Variants in IQCM observed in about 807,000 individuals in gnomAD.
The protein encoded by IQCM is IQ motif containing M, also known as IQ domain-containing protein M.
Under a neutral mutation model 57.6 loss-of-function variants are expected in IQCM, and 45 were observed. That is an observed-to-expected ratio of 0.78 (90% CI 0.62 to 1.00). The LOEUF is 1.00. IQCM is among the 50% of genes least tolerant of loss of function. The pLI is 0.00. For missense variants in IQCM, 468 were observed against 511.6 expected, an observed-to-expected ratio of 0.91 and a Z score of 0.82; for synonymous variants, 148 against 158.9, an observed-to-expected ratio of 0.93 and a Z score of 0.51.
intron 12 of IQCM, among the ~76,000 whole-genome samples, chr4:149,532,981 G>T (rs1746904907): frequency 6.6e-6 from 1 of 152,180 alleles, no homozygotes; most frequent in South Asian, 2.1e-4. Flanking sequence ...AGAGAGAAAA[G>T]TCAGGAAGGG....
chr4:149,749,655 T>C (rs574163113), intron 2 of IQCM, among the ~76,000 whole-genome samples: 2 of 152,322 alleles, frequency 1.3e-5, no homozygotes, highest in East Asian at 1.9e-4. Flanking sequence ...CATTGAGCTA[T>C]ACACAGGAAT....
chr4:149,405,566 AAAG>A (rs1732918567), intron 13 of IQCM, among the ~76,000 whole-genome samples: 1 of 151,938 alleles, frequency 6.6e-6, no homozygotes. Flanking sequence ...AATAAAAAAA[AAAG>A]AATAAGTAAT....
intron 5 of IQCM, among the ~76,000 whole-genome samples, chr4:149,710,054 G>A (rs943390268): frequency 1.3e-5 from 2 of 151,986 alleles, no homozygotes; most frequent in Non-Finnish European, 2.9e-5. Flanking sequence ...TTAATGTCTG[G>A]ACTATTAAAT....
At chr4:149,782,899 C>T (rs1771740838) in intron 2 of IQCM, among the ~76,000 whole-genome samples, 1 of 152,170 alleles carries the variant, frequency 6.6e-6, no homozygotes, top group Admixed American at 6.5e-5. Flanking sequence ...CCTCACTGGA[C>T]ACTCCTTCTC....
intron 5 of IQCM, among the ~76,000 whole-genome samples, chr4:149,720,979 T>C (rs1396117066): frequency 6.6e-6 from 1 of 152,162 alleles, no homozygotes; most frequent in African/African-American, 2.4e-5. Flanking sequence ...TGGCTCCTAG[T>C]CTTAAATTCT....
chr4:149,755,574 C>T (rs189368005), intron 2 of IQCM, among the ~76,000 whole-genome samples: 7 of 152,302 alleles, frequency 4.6e-5, no homozygotes, highest in African/African-American at 1.7e-4. Context: ...TCCATGAGGC[C>T]TTCACCAGCC....
At chr4:149,643,043 TA>T (rs11362352) in intron 7 of IQCM, among the ~76,000 whole-genome samples, 32,254 of 151,278 alleles carry the variant, frequency 0.21, 4,268 homozygotes, top group Non-Finnish European at 0.28. Flanking sequence ...TTTTTTAACT[TA>T]AAAAAAAATC....
intron 5 of IQCM, among the ~76,000 whole-genome samples, chr4:149,688,118 A>C (rs567874239): frequency 2.0e-4 from 31 of 152,132 alleles, no homozygotes; most frequent in African/African-American, 6.7e-4. Flanking sequence ...GACAAGAGAA[A>C]GAAATAAAGG....
At chr4:149,780,546 T>TATATATATATATATATAA (rs59087898) in intron 2 of IQCM, among the ~76,000 whole-genome samples, 2 of 150,878 alleles carry the variant, frequency 1.3e-5, no homozygotes, top group East Asian at 1.9e-4. Flanking sequence ...TATATATATA[T>TATATATATATATATATAA]AAAACATATT....
chr4:149,754,558 G>C (rs141160496), intron 2 of IQCM, among the ~76,000 whole-genome samples: 5 of 152,088 alleles, frequency 3.3e-5, no homozygotes, highest in African/African-American at 1.2e-4. Context: ...CATCTTAGCC[G>C]ACCTGTTAAC....
chr4:149,568,169 T>C (rs1165295317), intron 9 of IQCM, among the ~76,000 whole-genome samples: 3 of 152,152 alleles, frequency 2.0e-5, no homozygotes, highest in East Asian at 1.9e-4. Context: ...GTCCCCTCTC[T>C]GATTTCCCTC....
At chr4:149,587,369 A>G (rs767731171) in intron 9 of IQCM, among the ~76,000 whole-genome samples, 1 of 151,758 alleles carries the variant, frequency 6.6e-6, no homozygotes, top group Non-Finnish European at 1.5e-5. Context: ...AAATACAAGT[A>G]TAAAATCTGC....
chr4:149,500,021 A>G (rs1019914144), intron 12 of IQCM, among the ~76,000 whole-genome samples: 2 of 152,200 alleles, frequency 1.3e-5, no homozygotes, highest in Admixed American at 6.5e-5. Context: ...CAACAGCCGA[A>G]GCTTAGCAGA....
intron 12 of IQCM, among the ~76,000 whole-genome samples, chr4:149,534,744 G>A (rs529016863): frequency 1.4e-3 from 211 of 152,026 alleles, no homozygotes; most frequent in African/African-American, 4.6e-3. Flanking sequence ...TAACTACACC[G>A]CTGTATTCCA....
intron 13 of IQCM, among the ~76,000 whole-genome samples, chr4:149,390,507 T>A (rs1731775317): frequency 6.6e-6 from 1 of 151,908 alleles, no homozygotes; most frequent in Non-Finnish European, 1.5e-5. Flanking sequence ...ACATTTCTGA[T>A]CTTAGGGGAA....
At chr4:149,503,739 A>G (rs1743504018) in intron 12 of IQCM, among the ~76,000 whole-genome samples, 1 of 152,146 alleles carries the variant, frequency 6.6e-6, no homozygotes, top group Non-Finnish European at 1.5e-5. Context: ...TTTAATCTGT[A>G]TCAGCCCTTA....
intron 13 of IQCM, among the ~76,000 whole-genome samples, chr4:149,380,820 A>G (rs903397270): frequency 7.9e-5 from 12 of 152,296 alleles, no homozygotes; most frequent in South Asian, 2.1e-4. Context: ...GCATAGTTTT[A>G]TTAGGTATCA....
At chr4:149,707,659 T>A (rs1018760701) in intron 5 of IQCM, among the ~76,000 whole-genome samples, 1 of 152,128 alleles carries the variant, frequency 6.6e-6, no homozygotes, top group Non-Finnish European at 1.5e-5. Context: ...CTATGTTGCT[T>A]CCAGTGGACT....
chr4:149,713,400 T>C (rs573448183), intron 5 of IQCM, among the ~76,000 whole-genome samples: 13 of 152,200 alleles, frequency 8.5e-5, no homozygotes, highest in Non-Finnish European at 1.2e-4. Context: ...TAAATGTCTT[T>C]CTATCCACCC....
Sources: gnomAD v4.1 joint callset for allele counts (sites outside exome capture counted in the v4.1 genomes callset) on GRCh38, gnomAD v4.1.1 for gene constraint, MANE v1.5 for transcripts, NCBI Gene and HGNC (gene_info 2026-07-23, HGNC 2026-07-21) for gene names.